Variants in NBEA observed in about 807,000 individuals in gnomAD.
NBEA encodes the protein neurobeachin, also known as lysosomal-trafficking regulator 2.
In NBEA, 44 loss-of-function variants were observed where a neutral mutation model predicts 343.4. That is an observed-to-expected ratio of 0.13 (90% CI 0.10 to 0.16). The LOEUF is 0.16. Among genes scored for constraint, NBEA ranks in the 10% least tolerant of loss-of-function variants. The probability of loss-of-function intolerance (pLI) is 1.00; values close to 1 mark genes in which losing one functional copy is unlikely to be tolerated. For missense variants in NBEA, 2,555 were observed against 3,631.3 expected (o/e 0.70, Z 7.62); for synonymous variants, 1,175 against 1,238.7 (o/e 0.95, Z 1.08).
chr13:35,159,324 A>C lies in NBEA; in HGVS notation c.3153A>C (p.Glu1051Asp). ...SDRPGSGVHVEVHDLLVDIKA... is the reference protein window; with the variant it reads ...SDRPGSGVHVDVHDLLVDIKA... The stretch of plus-strand genomic sequence containing the variant: ...GACCAGGAAGTGGTGTACATGTGGA[A>C]GTACATGATCTTTTAGTAGATATAA... Residue 1051 changes from glutamate to aspartate, a missense_variant, in exon 22 of 59, where the codon GAA becomes GAC. Glu to Asp is a conservative substitution (Grantham distance 45). Transcript: ENST00000379939. 6.2e-7 allele frequency: 1 copy of C among 1,613,616 alleles called. No individual in the cohort carries two copies. Among genetic ancestry groups the C allele is most frequent in the South Asian group, 1.1e-5 (1 of 91,076 alleles).
chr13:35,648,621 G>A (rs2084361649), intron 51 of NBEA, among the ~76,000 whole-genome samples: 1 of 152,088 alleles, frequency 6.6e-6, no homozygotes, highest in South Asian at 2.1e-4. Context: ...AGTTCATGTA[G>A]CAGAGAATTC....
intron 10 of NBEA, among the ~76,000 whole-genome samples, chr13:35,086,518 G>C (rs1593296853): frequency 6.6e-6 from 1 of 151,812 alleles, no homozygotes; most frequent in East Asian, 1.9e-4. Flanking sequence ...AATTGTTTTA[G>C]TGCCCACATA....
At chr13:35,192,979 CTAAG>C (rs1438866555) in intron 30 of NBEA, among the ~76,000 whole-genome samples, 2 of 151,890 alleles carry the variant, frequency 1.3e-5, no homozygotes, top group East Asian at 1.9e-4. Context: ...TAAATTCACA[CTAAG>C]TGTTAGATAT....
chr13:35,153,961 G>C (rs894620448), intron 18 of NBEA, among the ~76,000 whole-genome samples: 2 of 152,092 alleles, frequency 1.3e-5, no homozygotes, highest in African/African-American at 4.8e-5. Context: ...TTAGTATATG[G>C]TTTTCAAATA....
At chr13:35,569,378 G>T (rs138430673) in intron 45 of NBEA, among the ~76,000 whole-genome samples, 1 of 152,002 alleles carries the variant, frequency 6.6e-6, no homozygotes, top group Admixed American at 6.6e-5. Flanking sequence ...ATATATATAC[G>T]ATAAAAATTC....
At chr13:35,080,237 C>T (rs868006873) in intron 10 of NBEA, among the ~76,000 whole-genome samples, 2 of 152,122 alleles carry the variant, frequency 1.3e-5, no homozygotes, top group Non-Finnish European at 2.9e-5. Flanking sequence ...CCTAGTACAA[C>T]TGTCGTACAT....
chr13:35,214,422 T>G (rs1340738434), intron 33 of NBEA, among the ~76,000 whole-genome samples: 2 of 151,922 alleles, frequency 1.3e-5, no homozygotes, highest in African/African-American at 4.8e-5. Flanking sequence ...TCAGTCTTTT[T>G]AAGACTTTAT....
At chr13:35,069,395 G>T (rs1316430544) in intron 8 of NBEA, among the ~76,000 whole-genome samples, 1 of 152,046 alleles carries the variant, frequency 6.6e-6, no homozygotes, top group Non-Finnish European at 1.5e-5. Context: ...AGTTTTGTAT[G>T]TATATTGTGA....
rs151093748 is a variant in NBEA at position 34,944,879 on chromosome 13, C to T, written c.294+1765C>T. 5.9e-3 allele frequency among the ~76,000 whole-genome samples: 895 copies of T among 152,230 alleles called. 8 individuals are homozygous for T. Among genetic ancestry groups the T allele is most frequent in the African/African-American group, 0.02 (841 of 41,544 alleles). On this transcript the variant is annotated intron_variant, in intron 1 of 58. Coordinates refer to ENST00000379939, the MANE Select transcript of NBEA (RefSeq NM_001385012.1). ...CAGTAGAGCTTTCACAACCTGGAAA[C>T]TGATTTGAATGTATAACCAGTTTGG... is the stretch of plus-strand genomic sequence containing the variant.
At chr13:35,406,243 A>G (rs538451276) in intron 38 of NBEA, among the ~76,000 whole-genome samples, 1 of 151,630 alleles carries the variant, frequency 6.6e-6, no homozygotes, top group East Asian at 1.9e-4. Flanking sequence ...TCATTATACT[A>G]AATTTTTCCT....
intron 39 of NBEA, among the ~76,000 whole-genome samples, chr13:35,441,438 A>T (rs1218278994): frequency 2.0e-5 from 3 of 152,204 alleles, no homozygotes; most frequent in African/African-American, 7.2e-5. Context: ...GCATAATGTA[A>T]TTAAAATACA....
At chr13:35,652,485 A>T (rs570190605) in intron 53 of NBEA, among the ~76,000 whole-genome samples, 31 of 151,084 alleles carry the variant, frequency 2.1e-4, no homozygotes, top group African/African-American at 6.5e-4. Flanking sequence ...CTAAAAATAT[A>T]AAAAAATTAG....
At chr13:35,160,227 C>T in intron 22 of NBEA, among the ~76,000 whole-genome samples, 195 bp downstream of exon 22, 1 of 152,100 alleles carries the variant, frequency 6.6e-6, no homozygotes, top group East Asian at 1.9e-4. Context: ...ATATTTCCAA[C>T]TCTGCCACAT....
chr13:35,410,430 G>A (rs2043514918), intron 38 of NBEA, among the ~76,000 whole-genome samples: 1 of 152,062 alleles, frequency 6.6e-6, no homozygotes, highest in African/African-American at 2.4e-5. Context: ...CTAGGTAAGG[G>A]GGAATGGAAG....
At chr13:35,371,379 T>G (rs1246920695) in intron 38 of NBEA, among the ~76,000 whole-genome samples, 1 of 152,006 alleles carries the variant, frequency 6.6e-6, no homozygotes, top group Non-Finnish European at 1.5e-5. Context: ...TTCTTTCTTC[T>G]GCTTGAGCTG....
At chr13:34,976,035 A>G (rs1287895494) in intron 1 of NBEA, among the ~76,000 whole-genome samples, 1 of 152,058 alleles carries the variant, frequency 6.6e-6, no homozygotes, top group Non-Finnish European at 1.5e-5. Flanking sequence ...AGAACTTAAA[A>G]GTAGATCTAC....
intron 26 of NBEA, among the ~76,000 whole-genome samples, chr13:35,172,783 G>A (rs1324461343): frequency 1.3e-5 from 2 of 152,058 alleles, no homozygotes; most frequent in East Asian, 1.9e-4. Context: ...GATAGTTTAA[G>A]CAGCTAGCCT....
At chr13:35,480,625 C>T (rs918771350) in intron 41 of NBEA, among the ~76,000 whole-genome samples, 3 of 151,936 alleles carry the variant, frequency 2.0e-5, no homozygotes, top group Admixed American at 2.0e-4. Context: ...ATCCCTACTG[C>T]TGGAGTGGCT....
At chr13:34,971,597 T>C (rs1005345930) in intron 1 of NBEA, among the ~76,000 whole-genome samples, 16 of 152,302 alleles carry the variant, frequency 1.1e-4, no homozygotes, top group Admixed American at 7.8e-4. Flanking sequence ...GTTTTCTGCA[T>C]CTATTGAGAC....
Sources: allele counts gnomAD v4.1 joint callset (sites outside exome capture counted in the v4.1 genomes callset), GRCh38; gene constraint gnomAD v4.1.1; transcripts MANE v1.5; gene names NCBI Gene and HGNC (gene_info 2026-07-23, HGNC 2026-07-21).